TRAPPC3: variants seen among roughly 807,000 people sequenced by gnomAD.
The protein encoded by TRAPPC3 is trafficking protein particle complex subunit 3.
TRAPPC3 carries 5 observed loss-of-function variants against 18.2 expected under a neutral mutation model. The ratio of observed to expected loss-of-function variants is 0.28; its 90% confidence interval spans 0.14 to 0.58. The LOEUF (loss-of-function observed/expected upper bound fraction) is 0.58. Ranked by LOEUF, TRAPPC3 falls within the 20% of genes least tolerant of loss-of-function variation. The probability of loss-of-function intolerance (pLI) is 0.91; values close to 1 mark genes in which losing one functional copy is unlikely to be tolerated. For missense variants in TRAPPC3, 176 were observed against 225.9 expected (o/e 0.78, Z 1.41); for synonymous variants, 65 against 84.2 (o/e 0.77, Z 1.25).
chr1:36,152,952 G>C (rs149783417), upstream of TRAPPC3, among the ~76,000 whole-genome samples: 243 of 152,296 alleles, frequency 1.6e-3, no homozygotes, highest in African/African-American at 5.6e-3. Context: ...GCCTGGCCAG[G>C]ATAGGAACAT....
intron 1 of TRAPPC3, among the ~76,000 whole-genome samples, chr1:36,145,761 T>C (rs900361943): frequency 6.6e-6 from 1 of 152,182 alleles, no homozygotes; most frequent in African/African-American, 2.4e-5. Flanking sequence ...ATATAGGTAC[T>C]ATTATTACTT....
intron 1 of TRAPPC3, among the ~76,000 whole-genome samples, chr1:36,144,216 A>AG (rs1311625719): frequency 7.3e-6 from 1 of 136,102 alleles, no homozygotes; most frequent in African/African-American, 2.8e-5. Context: ...TGAACCCAGG[A>AG]GGCGGAGGTT....
upstream of TRAPPC3, among the ~76,000 whole-genome samples, chr1:36,151,653 C>T (rs1290291054): frequency 6.6e-6 from 1 of 152,134 alleles, no homozygotes; most frequent in East Asian, 1.9e-4. Flanking sequence ...GACAGCTGTT[C>T]CAAGGATTCT....
intron 1 of TRAPPC3, 56 bp from the exon 2 acceptor site, chr1:36,140,222 TGA>T: frequency 8.5e-7 from 1 of 1,182,332 alleles, no homozygotes. Flanking sequence ...GAAAGCGTGG[TGA>T]GAGTCTGGAC....
rs1453657425 is a variant in TRAPPC3 at position 36,137,886 on chromosome 1, G to C, written c.333C>G (p.Pro111=). 6.2e-7 allele frequency: 1 copy of C among 1,614,094 alleles called. No homozygotes were observed. ...CAGGAAGTTCCACAAAGTCCACCAA[G>C]GGGTTATTTTCCAAAATGAGGGAGA... The part of the protein sequence containing the change: ...DEFSLILENN[P]LVDFVELPDN... The change falls in exon 4 of 5, where the codon CCC becomes CCG. Residue 111 remains proline (P), a synonymous_variant. Coordinates refer to ENST00000373166, the MANE Select transcript of TRAPPC3 (RefSeq NM_014408.5).
upstream of TRAPPC3, among the ~76,000 whole-genome samples, chr1:36,153,930 A>G (rs1027670049): frequency 1.3e-5 from 2 of 152,090 alleles, no homozygotes; most frequent in Non-Finnish European, 2.9e-5. Context: ...AAGTCCTCCT[A>G]CGTGGGCTGT....
chr1:36,143,840 T>G (rs1644152220), intron 1 of TRAPPC3, among the ~76,000 whole-genome samples: 2 of 152,192 alleles, frequency 1.3e-5, no homozygotes, highest in Non-Finnish European at 2.9e-5. Flanking sequence ...GTTTTTCCCA[T>G]CTGTAAAATG....
At chr1:36,142,031 G>A (rs1411773697) in intron 1 of TRAPPC3, among the ~76,000 whole-genome samples, 1 of 151,044 alleles carries the variant, frequency 6.6e-6, no homozygotes, top group African/African-American at 2.4e-5. Flanking sequence ...AGTAATTTGG[G>A]GAGAAAAAAA....
chr1:36,146,763 C>T (rs919708148), intron 1 of TRAPPC3, among the ~76,000 whole-genome samples: 1 of 152,144 alleles, frequency 6.6e-6, no homozygotes, highest in Non-Finnish European at 1.5e-5. Context: ...AGAAGATACA[C>T]AGTATATATG....
chr1:36,150,352 T>C (rs569497663), upstream of TRAPPC3, among the ~76,000 whole-genome samples: 1 of 152,248 alleles, frequency 6.6e-6, no homozygotes, highest in Non-Finnish European at 1.5e-5. Flanking sequence ...ACGAAGGGAA[T>C]GTGCTGGCTG....
At chr1:36,150,566 G>A (rs980567151), upstream of TRAPPC3, among the ~76,000 whole-genome samples, 5 of 152,218 alleles carry the variant, frequency 3.3e-5, no homozygotes, top group African/African-American at 1.2e-4. Flanking sequence ...AGCCTGTCCA[G>A]ACACGAGCCA....
In TRAPPC3 at chr1:36,140,081, T is replaced by C. The variant is rs762824143; in HGVS notation, c.128A>G (p.Gln43Arg). Residue 43 changes from glutamine to arginine, a missense_variant, in exon 2 of 5, where the codon CAG becomes CGG. Physicochemically the swap from Gln to Arg is conservative, Grantham distance 43. Transcript: ENST00000373166. Reference sequence around the variant, plus strand: ...GGAGCTCACTCACATTTTGTCCAGCTGTTTATTCACATCTTCATCATTTTC... The same window carrying C: ...GGAGCTCACTCACATTTTGTCCAGCCGTTTATTCACATCTTCATCATTTTC... ...DYENDEDVNKQLDKMGFNIGV... is the reference protein window; with the variant it reads ...DYENDEDVNKRLDKMGFNIGV... 6.2e-7 allele frequency: 1 copy of C among 1,600,568 alleles called. No individual in the cohort carries two copies. The highest frequency in any genetic ancestry group is 8.5e-7 in the Non-Finnish European group (1 of 1,175,568).
At chr1:36,139,938 T>C in intron 2 of TRAPPC3, 119 bp from the exon 3 acceptor site, 3 of 1,503,828 alleles carry the variant, frequency 2.0e-6, no homozygotes, top group Non-Finnish European at 1.8e-6. Context: ...AGTAAATGAG[T>C]TTAGTGAGAA....
At chr1:36,148,743 T>C (rs1388290711) in intron 1 of TRAPPC3, among the ~76,000 whole-genome samples, 1 of 152,214 alleles carries the variant, frequency 6.6e-6, no homozygotes, top group Non-Finnish European at 1.5e-5. Context: ...CACTCACTGC[T>C]TACTCTGGCC....
rs950015798 is a variant in TRAPPC3 at position 36,137,852 on chromosome 1, A to T, written c.367T>A (p.Ser123Thr). 1 of 1,614,148 alleles carries T rather than the reference A, an allele frequency of 6.2e-7. No homozygotes were observed. Among genetic ancestry groups the T allele is most frequent in the African/African-American group, 1.3e-5 (1 of 74,948 alleles). ...VDFVELPDNH[S>T]SLIYSNLLCG... The stretch of plus-strand genomic sequence containing the variant: ...AAGAGATTGGAATAAATAAGGGATG[A>T]GTGGTTATCAGGAAGTTCCACAAAG... Residue 123 changes from serine (S) to threonine (T), a missense_variant, in exon 4 of 5, where the codon TCA (serine) becomes ACA (threonine). By Grantham distance (58) the Ser-to-Thr change is moderately conservative (BLOSUM62 1). Coordinates refer to ENST00000373166, the MANE Select transcript of TRAPPC3 (RefSeq NM_014408.5).
At chr1:36,142,062 T>C (rs894603030) in intron 1 of TRAPPC3, among the ~76,000 whole-genome samples, 1 of 149,008 alleles carries the variant, frequency 6.7e-6, no homozygotes, top group African/African-American at 2.5e-5. Context: ...TCCAAGCCAA[T>C]GGTCAACCTA....
chr1:36,144,309 A>AAAAAAC (rs1553181270), intron 1 of TRAPPC3, among the ~76,000 whole-genome samples: 1 of 143,686 alleles, frequency 7.0e-6, no homozygotes, highest in Non-Finnish European at 1.5e-5. Flanking sequence ...AAAAAAAAAA[A>AAAAAAC]GGGAGGGCAA....
At chr1:36,149,289 T>G in intron 1 of TRAPPC3, 48 bp downstream of exon 1, 1 of 1,612,370 alleles carries the variant, frequency 6.2e-7, no homozygotes, top group South Asian at 1.1e-5. Context: ...CCCTTCCCTG[T>G]ACGCCTCAAT....
At chr1:36,138,392 G>A (rs1644057645) in intron 3 of TRAPPC3, among the ~76,000 whole-genome samples, 2 of 152,112 alleles carry the variant, frequency 1.3e-5, no homozygotes, top group Non-Finnish European at 2.9e-5. Flanking sequence ...CTTCTTGAAA[G>A]TGAATACACA....
Sources: allele counts gnomAD v4.1 joint callset (sites outside exome capture counted in the v4.1 genomes callset), GRCh38; gene constraint gnomAD v4.1.1; transcripts MANE v1.5; gene names NCBI Gene and HGNC (gene_info 2026-07-23, HGNC 2026-07-21).